Variants in RGS7 observed in about 807,000 individuals in gnomAD.
RGS7 encodes the protein regulator of G-protein signaling 7.
In RGS7, 27 loss-of-function variants were observed where a neutral mutation model predicts 81.1. The ratio of observed to expected loss-of-function variants is 0.33; its 90% CI spans 0.25 to 0.46. The LOEUF is 0.46. Ranked by LOEUF, RGS7 falls within the 20% of genes least tolerant of loss-of-function variation. The probability of loss-of-function intolerance (pLI) is 1.00; values close to 1 mark genes in which losing one functional copy is unlikely to be tolerated. For missense variants in RGS7, 396 were observed against 607.4 expected (o/e 0.65, Z 3.66); for synonymous variants, 208 against 207.7 (o/e 1.00, Z -0.01).
chr1:240,917,445 A>C (rs1478046543), intron 6 of RGS7, among the ~76,000 whole-genome samples: 1 of 152,164 alleles, frequency 6.6e-6, no homozygotes, highest in Non-Finnish European at 1.5e-5. Flanking sequence ...AGCCTAAAGG[A>C]AAGGAATGAC....
intron 2 of RGS7, among the ~76,000 whole-genome samples, chr1:241,109,426 AT>A (rs1171780719): frequency 3.3e-5 from 5 of 151,900 alleles, no homozygotes; most frequent in South Asian, 2.1e-4. Flanking sequence ...TTTAGTTTAA[AT>A]TTTTTTTACC....
intron 2 of RGS7, among the ~76,000 whole-genome samples, chr1:241,114,495 T>C (rs1237399651): frequency 1.3e-5 from 2 of 152,020 alleles, no homozygotes; most frequent in Non-Finnish European, 2.9e-5. Flanking sequence ...TACTTCCACA[T>C]TAAAAAAAAA....
At chr1:241,181,326 T>A (rs946948756) in intron 2 of RGS7, among the ~76,000 whole-genome samples, 1 of 152,160 alleles carries the variant, frequency 6.6e-6, no homozygotes, top group East Asian at 1.9e-4. Flanking sequence ...ATAGGAGAAG[T>A]CTTTATAGCT....
intron 2 of RGS7, among the ~76,000 whole-genome samples, chr1:241,145,468 C>A (rs914974484): frequency 3.3e-5 from 5 of 152,052 alleles, no homozygotes. Flanking sequence ...AGGTTGGATC[C>A]GATAACTTTG....
Position 241,164,504 on chromosome 1 carries a change from C to T in RGS7, c.79-65742G>A, listed in dbSNP as rs55919202. Among the ~76,000 whole-genome samples, 13,877 of 152,116 alleles carry T rather than the reference C, an allele frequency of 0.091. 739 individuals are homozygous for T. The highest frequency in any genetic ancestry group is 0.18 in the East Asian group (907 of 5,160). On this transcript the variant is annotated intron_variant, in intron 2 of 18. Transcript: ENST00000440928. The surrounding 1 kb of genome is among the most constrained non-coding windows in gnomAD (Gnocchi z 4.1). ...ATTAGCATACAAAAAGACATCACTT[C>T]GGAGATTCTAAGGATTTTAGGAGTT... is the stretch of plus-strand genomic sequence containing the variant.
At chr1:241,351,025 G>C (rs971197869) in intron 2 of RGS7, among the ~76,000 whole-genome samples, 2 of 152,166 alleles carry the variant, frequency 1.3e-5, no homozygotes, top group Non-Finnish European at 2.9e-5. Context: ...ACAATGCTTA[G>C]ATCAAGCCAA....
chr1:241,223,416 C>T (rs766007110), intron 2 of RGS7, among the ~76,000 whole-genome samples: 3 of 152,182 alleles, frequency 2.0e-5, no homozygotes, highest in Non-Finnish European at 4.4e-5. Flanking sequence ...CAACTTGCTG[C>T]TCAGATACCT....
At chr1:241,262,541 C>T (rs1383809415) in intron 2 of RGS7, among the ~76,000 whole-genome samples, 1 of 152,288 alleles carries the variant, frequency 6.6e-6, no homozygotes, top group African/African-American at 2.4e-5. Flanking sequence ...TGTTTGTGAG[C>T]TTTGAAGCAA....
chr1:240,855,308 CAA>C (rs758331434), intron 9 of RGS7, among the ~76,000 whole-genome samples: 616 of 14,884 alleles, frequency 0.041, 48 homozygotes, highest in African/African-American at 0.11. Context: ...GACCATGTCT[CAA>C]AAAAAAAAAA....
At chr1:241,235,060 T>C (rs2075855026) in intron 2 of RGS7, among the ~76,000 whole-genome samples, 1 of 152,288 alleles carries the variant, frequency 6.6e-6, no homozygotes, top group Non-Finnish European at 1.5e-5. Context: ...GTTTTTCATG[T>C]AGAAGGAAAA....
At chr1:240,996,866 AT>A (rs1043442049) in intron 3 of RGS7, among the ~76,000 whole-genome samples, 1 of 151,842 alleles carries the variant, frequency 6.6e-6, no homozygotes, top group African/African-American at 2.4e-5. Context: ...ATGCCATTTT[AT>A]TTTTTGTGGG....
intron 2 of RGS7, among the ~76,000 whole-genome samples, chr1:241,282,811 G>A (rs910530981): frequency 3.3e-5 from 5 of 152,148 alleles, no homozygotes; most frequent in Admixed American, 6.5e-5. Context: ...CTTTTGTATA[G>A]ATTGATAGAA....
intron 2 of RGS7, among the ~76,000 whole-genome samples, chr1:241,262,021 T>A (rs1300358614): frequency 6.6e-6 from 1 of 152,160 alleles, no homozygotes; most frequent in East Asian, 1.9e-4. Flanking sequence ...AAGGATTTTT[T>A]TAAGTGAAAT....
intron 2 of RGS7, among the ~76,000 whole-genome samples, chr1:241,177,195 C>A (rs764068405): frequency 3.9e-5 from 6 of 152,178 alleles, no homozygotes; most frequent in Non-Finnish European, 5.9e-5. Context: ...CATAAAGTAA[C>A]AGAGCAGTAG....
chr1:241,355,043 T>C (rs988311133), intron 2 of RGS7, among the ~76,000 whole-genome samples: 6 of 152,192 alleles, frequency 3.9e-5, no homozygotes, highest in Non-Finnish European at 8.8e-5. Flanking sequence ...ATTAAATGTA[T>C]AAGGCTGTCA....
intron 2 of RGS7, among the ~76,000 whole-genome samples, chr1:241,254,485 T>C (rs1045722889): frequency 1.3e-5 from 2 of 152,192 alleles, no homozygotes; most frequent in Admixed American, 6.5e-5. Context: ...TGGCGTCTTC[T>C]TGTGGTGCCC....
chr1:241,283,637 C>T (rs2078642148), intron 2 of RGS7, among the ~76,000 whole-genome samples: 1 of 152,122 alleles, frequency 6.6e-6, no homozygotes. Context: ...GTTCACTCAG[C>T]TTCTTGAATC....
intron 2 of RGS7, among the ~76,000 whole-genome samples, chr1:241,109,309 T>C (rs2065348782): frequency 6.6e-6 from 1 of 152,152 alleles, no homozygotes; most frequent in South Asian, 2.1e-4. Context: ...CTAGGATCAT[T>C]CCAAATTGTA....
At chr1:241,289,932 T>C (rs1311874028) in intron 2 of RGS7, among the ~76,000 whole-genome samples, 1 of 152,142 alleles carries the variant, frequency 6.6e-6, no homozygotes, top group African/African-American at 2.4e-5. Context: ...AAGAGGAAAG[T>C]CTTGGTTCCA....
Sources: gnomAD v4.1 joint callset for allele counts (sites outside exome capture counted in the v4.1 genomes callset) on GRCh38, gnomAD v4.1.1 for gene constraint, Gnocchi (gnomAD v3.1) non-coding constraint, MANE v1.5 for transcripts, NCBI Gene and HGNC (gene_info 2026-07-23, HGNC 2026-07-21) for gene names.